Variants in RSPRY1 observed in about 807,000 individuals in gnomAD.
RSPRY1 encodes ring finger and SPRY domain containing 1.
Under a neutral mutation model 73.1 loss-of-function variants are expected in RSPRY1, and 23 were observed. The ratio of observed to expected loss-of-function variants is 0.31; its 90% CI spans 0.23 to 0.45. RSPRY1 has a LOEUF of 0.45. Ranked by LOEUF, RSPRY1 falls within the 20% of genes least tolerant of loss-of-function variation. The probability of loss-of-function intolerance (pLI) is 1.00; values close to 1 mark genes in which losing one functional copy is unlikely to be tolerated. For synonymous variants in RSPRY1, 226 were observed against 251.4 expected (o/e 0.90, Z 0.95); for missense variants, 448 against 698.7 (o/e 0.64, Z 4.05).
In RSPRY1 at chr16:57,220,744, G is replaced by A; in HGVS notation, c.914G>A (p.Gly305Asp). ...CTTTCTTTTGCAGTTTTAAAAGAAG[G>A]TAGACAGCTGACCTATGAGAAAGTG... is the stretch of plus-strand genomic sequence containing the variant. The part of the protein sequence containing the change: ...WSLDNLFLKE[G>D]RQLTYEKVNL... Residue 305 changes from glycine to aspartate, a missense_variant, in exon 9 of 15, where the codon GGT (glycine) becomes GAT (aspartate). Coordinates refer to ENST00000394420, the MANE Select transcript of RSPRY1 (RefSeq NM_133368.3). The A allele has an allele frequency of 6.2e-7, 1 of 1,611,628 alleles. No individual in the cohort carries two copies. The highest frequency in any genetic ancestry group is 8.5e-7 in the Non-Finnish European group (1 of 1,177,792).
chr16:57,204,640 A>G lies in RSPRY1; in HGVS notation c.-19A>G. 1 of 1,607,778 alleles carries G rather than the reference A, an allele frequency of 6.2e-7. No homozygotes were observed. Among genetic ancestry groups the G allele is most frequent in the Non-Finnish European group, 8.5e-7 (1 of 1,175,628 alleles). ...TCCAGGTTATGAAAACAGTACTTGGAAAACTGAAAACTACCTAAATGATCG... is the reference window on the plus strand; with the variant it reads ...TCCAGGTTATGAAAACAGTACTTGGGAAACTGAAAACTACCTAAATGATCG... On this transcript the variant is annotated 5_prime_UTR_variant, in exon 2 of 15. Transcript: ENST00000394420.
intron 1 of RSPRY1, among the ~76,000 whole-genome samples, chr16:57,200,453 A>G (rs1374636153): frequency 6.6e-6 from 1 of 151,464 alleles, no homozygotes; most frequent in Non-Finnish European, 1.5e-5. Flanking sequence ...GGCCGGGCAG[A>G]GGGGCTCCTC....
chr16:57,198,550 CTAAA>C (rs1230867937), intron 1 of RSPRY1, among the ~76,000 whole-genome samples: 21 of 152,226 alleles, frequency 1.4e-4, no homozygotes, highest in African/African-American at 4.6e-4. Flanking sequence ...TTAATTATTC[CTAAA>C]TACTTTTATG....
intron 1 of RSPRY1, among the ~76,000 whole-genome samples, chr16:57,200,898 G>C (rs1314362115): frequency 7.4e-6 from 1 of 135,688 alleles, no homozygotes; most frequent in Non-Finnish European, 1.6e-5. Flanking sequence ...CTTCCCAGTA[G>C]GGGCGGCCAG....
chr16:57,208,912 A>T (rs1346503400), intron 3 of RSPRY1, among the ~76,000 whole-genome samples, 163 bp from the exon 4 acceptor site: 2 of 152,232 alleles, frequency 1.3e-5, no homozygotes, highest in African/African-American at 2.4e-5. Context: ...TTTTTACTCC[A>T]CCACGATGAC....
chr16:57,208,186 G>GTTTTA, intron 3 of RSPRY1, 76 bp downstream of exon 3: 1 of 822,982 alleles, frequency 1.2e-6, no homozygotes. Context: ...TTTGTTTTTT[G>GTTTTA]TTTTGTTTTG....
chr16:57,231,157 T>TTA lies in RSPRY1; in HGVS notation c.1377-8_1377-7dup. ...AATTCTATTGGCCTCTGTACTCATT[T>TTA]TATTTGTAGATCTGGATTTTTTGCT... On this transcript the variant is annotated splice_polypyrimidine_tract_variant and intron_variant, in intron 12 of 14. Coordinates refer to ENST00000394420, the MANE Select transcript of RSPRY1 (RefSeq NM_133368.3). The TTA allele has an allele frequency of 6.2e-7, 1 of 1,611,922 alleles. No homozygotes were observed. Among genetic ancestry groups the TTA allele is most frequent in the Non-Finnish European group, 8.5e-7 (1 of 1,178,896 alleles).
chr16:57,209,187 A>G lies in RSPRY1; in HGVS notation c.516A>G (p.Lys172=). The G allele has an allele frequency of 2.5e-6, 4 of 1,570,200 alleles. No homozygotes were observed. Among genetic ancestry groups the G allele is most frequent in the Non-Finnish European group, 3.5e-6 (4 of 1,142,338 alleles). Residue 172 remains lysine (K), a splice_region_variant and synonymous_variant, in exon 4 of 15, where the codon AAA becomes AAG. Transcript: ENST00000394420. ...TAGATGAATGTCCATTGCCCACTAAAGTAAGTTAATACTTATCTTTTATGA... is the reference window on the plus strand; with the variant it reads ...TAGATGAATGTCCATTGCCCACTAAGGTAAGTTAATACTTATCTTTTATGA... ...LLLDECPLPT[K]DALQKLTEIL...
At chr16:57,196,870 G>A (rs1207765497) in intron 1 of RSPRY1, among the ~76,000 whole-genome samples, 2 of 152,100 alleles carry the variant, frequency 1.3e-5, no homozygotes, top group African/African-American at 4.8e-5. Context: ...TGTGCCATGC[G>A]TATTACATGC....
intron 1 of RSPRY1, among the ~76,000 whole-genome samples, chr16:57,203,727 G>A (rs149772885): frequency 5.3e-5 from 8 of 152,300 alleles, no homozygotes; most frequent in African/African-American, 9.6e-5. Flanking sequence ...CTAGTCCAGC[G>A]TGGTACCTGG....
intron 13 of RSPRY1, 42 bp from the exon 14 acceptor site, chr16:57,235,082 C>T (rs1429691286): frequency 2.2e-6 from 3 of 1,383,744 alleles, no homozygotes; most frequent in Non-Finnish European, 3.1e-6. Flanking sequence ...CTAACAGGAC[C>T]CCTGTTGACA....
At chr16:57,230,005 CTTTTT>C (rs544045998) in intron 11 of RSPRY1, among the ~76,000 whole-genome samples, 1 of 44,928 alleles carries the variant, frequency 2.2e-5, no homozygotes, top group Non-Finnish European at 4.1e-5. Context: ...ACGCCCTGCC[CTTTTT>C]TTTTTTTTTT....
At chr16:57,200,549 T>A (rs2074554320) in intron 1 of RSPRY1, among the ~76,000 whole-genome samples, 1 of 136,452 alleles carries the variant, frequency 7.3e-6, no homozygotes, top group African/African-American at 2.8e-5. Context: ...CCTCCCTGCC[T>A]CCCTCCCGGA....
chr16:57,212,095 T>G (rs868797164), intron 4 of RSPRY1, among the ~76,000 whole-genome samples: 1 of 152,236 alleles, frequency 6.6e-6, no homozygotes, highest in East Asian at 1.9e-4. Context: ...GAGGATCACT[T>G]AAGGCCAGGA....
At chr16:57,208,394 A>ATT (rs1358520220) in intron 3 of RSPRY1, among the ~76,000 whole-genome samples, 5 of 81,710 alleles carry the variant, frequency 6.1e-5, no homozygotes, top group Non-Finnish European at 6.6e-5. Flanking sequence ...ATATATATAT[A>ATT]TATATATTTT....
intron 3 of RSPRY1, 64 bp downstream of exon 3, chr16:57,208,174 C>G (rs560521946): frequency 7.7e-6 from 8 of 1,039,380 alleles, no homozygotes; most frequent in Non-Finnish European, 1.1e-5. Flanking sequence ...AAGTAGCCAC[C>G]TTTTGTTTTT....
intron 13 of RSPRY1, among the ~76,000 whole-genome samples, chr16:57,233,959 C>T (rs1241503528): frequency 1.3e-5 from 2 of 152,172 alleles, no homozygotes; most frequent in African/African-American, 2.4e-5. Context: ...TTTGTTACAA[C>T]GTAAGTCAGA....
At chr16:57,222,917 T>G (rs1430222949) in intron 10 of RSPRY1, among the ~76,000 whole-genome samples, 1 of 152,210 alleles carries the variant, frequency 6.6e-6, no homozygotes, top group Admixed American at 6.5e-5. Flanking sequence ...CTGGATCATT[T>G]CATCTGCTCG....
intron 11 of RSPRY1, among the ~76,000 whole-genome samples, chr16:57,230,500 A>T (rs760509703): frequency 3.3e-5 from 5 of 152,206 alleles, no homozygotes; most frequent in Non-Finnish European, 7.4e-5. Flanking sequence ...GGCTTGTCAT[A>T]ATTTAATTGG....
Sources: allele counts gnomAD v4.1 joint callset (sites outside exome capture counted in the v4.1 genomes callset), GRCh38; gene constraint gnomAD v4.1.1; transcripts MANE v1.5; gene names NCBI Gene and HGNC (gene_info 2026-07-23, HGNC 2026-07-21).